Variants in STOX2 observed in about 807,000 individuals in gnomAD.
STOX2 encodes the protein storkhead box 2.
A neutral mutation model predicts 60.9 loss-of-function variants in STOX2; 28 were observed. The ratio of observed to expected loss-of-function variants is 0.46; its 90% confidence interval spans 0.34 to 0.63. The LOEUF (loss-of-function observed/expected upper bound fraction) is 0.63. Ranked by LOEUF, STOX2 falls within the 30% of genes least tolerant of loss-of-function variation. STOX2 has a pLI of 0.01. For synonymous variants in STOX2, 472 were observed against 463.9 expected (o/e 1.02, Z -0.22); for missense variants, 1,024 against 1,187.7 (o/e 0.86, Z 2.03).
chr4:183,944,275 G>C (rs948907504), intron 1 of STOX2, among the ~76,000 whole-genome samples: 5 of 152,244 alleles, frequency 3.3e-5, no homozygotes, highest in African/African-American at 1.2e-4. Context: ...TGGGAAACAT[G>C]TCTTACTTTT....
At chr4:183,977,681 T>C (rs1732496831) in intron 1 of STOX2, among the ~76,000 whole-genome samples, 2 of 152,176 alleles carry the variant, frequency 1.3e-5, no homozygotes, top group African/African-American at 4.8e-5. Context: ...GGTAAAATAA[T>C]TTCTTTTCCT....
chr4:183,809,760 T>C (rs541534962), intron 1 of STOX2, among the ~76,000 whole-genome samples: 1 of 152,352 alleles, frequency 6.6e-6, no homozygotes, highest in South Asian at 2.1e-4. Flanking sequence ...GTGTTTTGAT[T>C]ATGTACTTGA....
intron 1 of STOX2, among the ~76,000 whole-genome samples, chr4:183,884,650 C>T (rs1188669736): frequency 1.3e-5 from 2 of 152,134 alleles, no homozygotes; most frequent in Admixed American, 6.5e-5. Context: ...GTGACAGAAG[C>T]CGCGAGCAGG....
intron 1 of STOX2, among the ~76,000 whole-genome samples, chr4:183,965,791 G>A (rs553025432): frequency 4.6e-5 from 7 of 152,144 alleles, no homozygotes; most frequent in Admixed American, 6.5e-5. Context: ...AGAAAGGAAC[G>A]GATTTAGAGA....
chr4:183,800,839 T>G (rs900515527), intron 1 of STOX2, among the ~76,000 whole-genome samples: 22 of 152,326 alleles, frequency 1.4e-4, no homozygotes, highest in South Asian at 1.0e-3. Flanking sequence ...AGGAACGGTT[T>G]TGCCCTGTCT....
intron 1 of STOX2, among the ~76,000 whole-genome samples, chr4:183,809,739 T>C (rs1006126509): frequency 1.3e-4 from 20 of 152,198 alleles, no homozygotes; most frequent in African/African-American, 4.8e-4. Flanking sequence ...TTTGGAGAAA[T>C]ACAGAGATTT....
rs752333017 is a variant in STOX2 at position 183,906,843 on chromosome 4, T to TCTCGGACCGGGC, written c.63_74dup (p.Ala22_Arg25dup). On this transcript the variant is annotated inframe_insertion, in exon 1 of 4. Transcript: ENST00000308497. ...CGGCGAGCCTGGCCTAGCTCGGATTTCTCGGACCGGGCCTCGGACCGCATG... is the reference window on the plus strand; with the variant it reads ...CGGCGAGCCTGGCCTAGCTCGGATTTCTCGGACCGGGCCTCGGACCGGGCCTCGGACCGCATG... 6.4e-7 allele frequency: 1 copy of TCTCGGACCGGGC among 1,555,374 alleles called. No individual in the cohort carries two copies. Among genetic ancestry groups the TCTCGGACCGGGC allele is most frequent in the Non-Finnish European group, 8.7e-7 (1 of 1,149,454 alleles).
chr4:183,911,767 G>A (rs1741788279), intron 1 of STOX2, among the ~76,000 whole-genome samples: 1 of 152,190 alleles, frequency 6.6e-6, no homozygotes, highest in Non-Finnish European at 1.5e-5. Flanking sequence ...GCTGCATGCA[G>A]GTTATAACTA....
At chr4:183,809,947 T>C (rs1234552364) in intron 1 of STOX2, among the ~76,000 whole-genome samples, 1 of 152,236 alleles carries the variant, frequency 6.6e-6, no homozygotes, top group Non-Finnish European at 1.5e-5. Context: ...CAAAAAATTA[T>C]AGATAGGTTT....
intron 1 of STOX2, among the ~76,000 whole-genome samples, chr4:183,811,843 CTT>C (rs1247572277): frequency 6.6e-6 from 1 of 151,074 alleles, no homozygotes; most frequent in Non-Finnish European, 1.5e-5. Context: ...TCCAAAATTT[CTT>C]TGTTTTCTTA....
chr4:183,991,518 C>A (rs1432192999), intron 1 of STOX2, among the ~76,000 whole-genome samples: 1 of 151,784 alleles, frequency 6.6e-6, no homozygotes, highest in African/African-American at 2.4e-5. Context: ...ACCTCCGCCT[C>A]CTGGGTTCAA....
At chr4:183,859,927 GATT>G (rs1731371578) in intron 1 of STOX2, among the ~76,000 whole-genome samples, 1 of 152,092 alleles carries the variant, frequency 6.6e-6, no homozygotes, top group African/African-American at 2.4e-5. Context: ...GATTAGATTA[GATT>G]AGATTAGATA....
At chr4:183,877,403 A>G (rs1289114000) in intron 1 of STOX2, among the ~76,000 whole-genome samples, 1 of 152,188 alleles carries the variant, frequency 6.6e-6, no homozygotes, top group Non-Finnish European at 1.5e-5. Flanking sequence ...TAGGGGAAAC[A>G]TGAACACCAG....
chr4:183,906,586 T>C lies in STOX2; in HGVS notation c.-205T>C. 1.8e-6 allele frequency: 1 copy of C among 557,998 alleles called. No individual in the cohort carries two copies. The highest frequency in any genetic ancestry group is 3.1e-6 in the Non-Finnish European group (1 of 318,330). The allele number at this position is 557,998 out of a possible 1,614,324, so 34.6% of individuals were successfully genotyped here. Reference sequence around the variant, plus strand: ...AGTGTAATGCATTGTGGGACGTGTGTAAAATCGGAGCCTTCGCCGTGGGGG... The same window carrying C: ...AGTGTAATGCATTGTGGGACGTGTGCAAAATCGGAGCCTTCGCCGTGGGGG... On this transcript the variant is annotated 5_prime_UTR_variant, in exon 1 of 4. Coordinates refer to ENST00000308497, the MANE Select transcript of STOX2 (RefSeq NM_020225.3).
intron 2 of STOX2, among the ~76,000 whole-genome samples, chr4:184,008,140 G>C (rs1733956094): frequency 6.6e-6 from 1 of 152,146 alleles, no homozygotes; most frequent in Non-Finnish European, 1.5e-5. Flanking sequence ...AGTTTCACAT[G>C]ACTCAAGCTG....
At chr4:184,007,459 C>T (rs1733921997) in intron 2 of STOX2, among the ~76,000 whole-genome samples, 1 of 152,324 alleles carries the variant, frequency 6.6e-6, no homozygotes, top group African/African-American at 2.4e-5. Context: ...TTATTGAGCA[C>T]TCTCTGTGTG....
At chr4:183,977,585 A>G (rs997388193) in intron 1 of STOX2, among the ~76,000 whole-genome samples, 4 of 100,832 alleles carry the variant, frequency 4.0e-5, no homozygotes, top group Admixed American at 1.1e-4. Context: ...TAGTCCAGTT[A>G]TCTGTTAATG....
chr4:183,808,947 G>A (rs554628046), intron 1 of STOX2, among the ~76,000 whole-genome samples: 1 of 152,176 alleles, frequency 6.6e-6, no homozygotes, highest in African/African-American at 2.4e-5. Flanking sequence ...TAAGACACTG[G>A]GGGTCTTGAT....
Position 183,945,910 on chromosome 4 carries a change from T to C in STOX2, c.166+38954T>C, listed in dbSNP as rs534497721. ...TATTTCTTTAAGCTCTTTAGAAAACTTCAGTCATGAAATGCTTAATGTTCT... is the reference window on the plus strand; with the variant it reads ...TATTTCTTTAAGCTCTTTAGAAAACCTCAGTCATGAAATGCTTAATGTTCT... On this transcript the variant is annotated intron_variant, in intron 1 of 3. Coordinates refer to ENST00000308497, the MANE Select transcript of STOX2 (RefSeq NM_020225.3). 1.6e-4 allele frequency among the ~76,000 whole-genome samples: 24 copies of C among 152,354 alleles called. 2 individuals carry two copies. In the South Asian group the frequency reaches 4.8e-3, roughly 30 times the overall value.
Sources: gnomAD v4.1 joint callset for allele counts (sites outside exome capture counted in the v4.1 genomes callset) on GRCh38, gnomAD v4.1.1 for gene constraint, MANE v1.5 for transcripts, NCBI Gene and HGNC (gene_info 2026-07-23, HGNC 2026-07-21) for gene names.